PPP6R3: variants seen among roughly 807,000 people sequenced by gnomAD.
The protein encoded by PPP6R3 is protein phosphatase 6 regulatory subunit 3.
A neutral mutation model predicts 110.7 loss-of-function variants in PPP6R3; 38 were observed. The observed-to-expected ratio is 0.34, with a 90% CI of 0.26 to 0.45. The LOEUF is 0.45. Among genes scored for constraint, PPP6R3 ranks in the 20% least tolerant of loss-of-function variants. The pLI, the probability that PPP6R3 is intolerant of heterozygous loss-of-function variation, is 1.00. For missense variants in PPP6R3, 870 were observed against 1,062.4 expected (o/e 0.82, Z 2.52); for synonymous variants, 369 against 373.5 (o/e 0.99, Z 0.14).
At chr11:68,483,024 A>G (rs2098925477) in intron 1 of PPP6R3, among the ~76,000 whole-genome samples, 1 of 152,180 alleles carries the variant, frequency 6.6e-6, no homozygotes, top group African/African-American at 2.4e-5. Flanking sequence ...TTATTATCAC[A>G]AACAATTCAG....
chr11:68,489,910 C>T (rs2098973144), intron 1 of PPP6R3, among the ~76,000 whole-genome samples: 2 of 152,122 alleles, frequency 1.3e-5, no homozygotes, highest in African/African-American at 4.8e-5. Flanking sequence ...CTTCCTGTCT[C>T]ATTGTTGCCA....
At chr11:68,612,810 C>T (rs764145069) in intron 23 of PPP6R3, 19 of 574,836 alleles carry the variant, frequency 3.3e-5, no homozygotes, top group East Asian at 1.2e-4. Context: ...CGCGGTGGGG[C>T]GGTTCTCCCA....
intron 2 of PPP6R3, among the ~76,000 whole-genome samples, chr11:68,530,334 G>C (rs1042365728): frequency 1.3e-5 from 2 of 152,106 alleles, no homozygotes; most frequent in African/African-American, 4.8e-5. Context: ...CTTTGTATAA[G>C]ATTGTGTGAA....
chr11:68,560,036 T>G (rs2099413498), intron 8 of PPP6R3, among the ~76,000 whole-genome samples: 1 of 152,202 alleles, frequency 6.6e-6, no homozygotes, highest in South Asian at 2.1e-4. Flanking sequence ...AGGCCATCAT[T>G]GCATTATGGA....
At chr11:68,493,657 T>TAC (rs1211426881) in intron 1 of PPP6R3, among the ~76,000 whole-genome samples, 9 of 141,500 alleles carry the variant, frequency 6.4e-5, no homozygotes, top group African/African-American at 1.3e-4. Flanking sequence ...TACAAAAAAA[T>TAC]ACACACACAC....
In PPP6R3 at chr11:68,569,912, T is replaced by A; in HGVS notation, c.1278+15T>A. 6.3e-7 allele frequency: 1 copy of A among 1,594,078 alleles called. No individual in the cohort carries two copies. Among genetic ancestry groups the A allele is most frequent in the Non-Finnish European group, 8.6e-7 (1 of 1,165,828 alleles). On this transcript the variant is annotated intron_variant, in intron 11 of 23. Transcript: ENST00000393800. The stretch of plus-strand genomic sequence containing the variant: ...TATTAAAACATGTAAGCTTATTTGG[T>A]CTCGTTTTTCTCCCACTCTCTCCTG...
chr11:68,496,088 G>A (rs1404126302), intron 1 of PPP6R3, among the ~76,000 whole-genome samples: 1 of 151,892 alleles, frequency 6.6e-6, no homozygotes, highest in Non-Finnish European at 1.5e-5. Flanking sequence ...CTCCTGGGCT[G>A]AAGTGATCCT....
At chr11:68,497,287 C>G (rs1328499844) in intron 1 of PPP6R3, among the ~76,000 whole-genome samples, 1 of 151,382 alleles carries the variant, frequency 6.6e-6, no homozygotes, top group Admixed American at 6.6e-5. Flanking sequence ...ATCTCCTGAC[C>G]TCGTGATCCG....
chr11:68,532,692 G>A (rs1026252557), intron 2 of PPP6R3, among the ~76,000 whole-genome samples: 4 of 152,140 alleles, frequency 2.6e-5, no homozygotes, highest in Admixed American at 2.6e-4. Flanking sequence ...TTAGTTTGGG[G>A]GGATTCTTTA....
intron 2 of PPP6R3, among the ~76,000 whole-genome samples, chr11:68,527,849 T>G (rs2099208565): frequency 6.6e-6 from 1 of 152,202 alleles, no homozygotes; most frequent in Admixed American, 6.5e-5. Context: ...CTCACTGCTG[T>G]GACTCCTGAA....
chr11:68,477,468 C>T (rs932687530), intron 1 of PPP6R3, among the ~76,000 whole-genome samples: 2 of 151,824 alleles, frequency 1.3e-5, no homozygotes, highest in African/African-American at 4.8e-5. Context: ...TGCCTGTTAT[C>T]CCGACACTTT....
chr11:68,598,185 T>TTC (rs921822441), intron 19 of PPP6R3, among the ~76,000 whole-genome samples: 7 of 152,164 alleles, frequency 4.6e-5, no homozygotes, highest in Non-Finnish European at 1.0e-4. Context: ...CATACAGTAT[T>TTC]TATCTTTGTG....
intron 1 of PPP6R3, among the ~76,000 whole-genome samples, chr11:68,487,347 GT>G (rs2098954117): frequency 2.1e-3 from 1 of 474 alleles, no homozygotes; most frequent in African/African-American, 0.011. Context: ...GAGCCCAGGA[GT>G]ATGAGGTTGC....
chr11:68,537,904 A>G lies in PPP6R3; in HGVS notation c.227+13A>G. The G allele has an allele frequency of 6.3e-7, 1 of 1,578,732 alleles. No homozygotes were observed. The highest frequency in any genetic ancestry group is 8.7e-7 in the Non-Finnish European group (1 of 1,149,408). ...AGATCAGATACAAGTAAGACAATTCAATCTTCTCTGTAGAGTGGGACTAAA... is the reference window on the plus strand; with the variant it reads ...AGATCAGATACAAGTAAGACAATTCGATCTTCTCTGTAGAGTGGGACTAAA... On this transcript the variant is annotated intron_variant, in intron 3 of 23. Coordinates refer to ENST00000393800, the MANE Select transcript of PPP6R3 (RefSeq NM_001164161.2).
intron 1 of PPP6R3, among the ~76,000 whole-genome samples, chr11:68,503,175 C>G (rs983135191): frequency 1.3e-5 from 2 of 152,080 alleles, no homozygotes; most frequent in African/African-American, 4.8e-5. Flanking sequence ...AACTCCTGAC[C>G]TCGTGATCCG....
At chr11:68,519,252 T>G (rs936298659) in intron 1 of PPP6R3, among the ~76,000 whole-genome samples, 6 of 152,230 alleles carry the variant, frequency 3.9e-5, no homozygotes, top group African/African-American at 1.4e-4. Flanking sequence ...TCATTGATAG[T>G]GCTATTATGA....
chr11:68,504,886 G>A (rs146880980), intron 1 of PPP6R3, among the ~76,000 whole-genome samples: 41 of 152,292 alleles, frequency 2.7e-4, no homozygotes, highest in East Asian at 1.7e-3. Flanking sequence ...AACTAGGCAC[G>A]TGCCAGTAGA....
chr11:68,567,133 C>T lies in PPP6R3; in HGVS notation c.1095C>T (p.Asp365=). Residue 365 remains aspartate, a synonymous_variant, in exon 10 of 24, where the codon GAC becomes GAT. Coordinates refer to ENST00000393800, the MANE Select transcript of PPP6R3 (RefSeq NM_001164161.2). ...LQTNTSSING[D]LMELNSIGVI... is the part of the protein sequence containing the mutation. ...CCAATACCAGCAGTATAAATGGGGA[C>T]CTTATGGAGCTGAATAGCATTGGAG... 2 of 1,550,536 alleles carry T rather than the reference C, an allele frequency of 1.3e-6. No homozygotes were observed. Among genetic ancestry groups the T allele is most frequent in the Non-Finnish European group, 8.7e-7 (1 of 1,146,580 alleles).
rs1299893236 is a variant in PPP6R3 at position 68,550,988 on chromosome 11, A to G, written c.553-133A>G. The G allele has an allele frequency of 1.4e-5, 9 of 625,438 alleles. No homozygotes were observed. In the East Asian group the frequency reaches 2.3e-4, roughly 16 times the overall value. The allele number at this position is 625,438 out of a possible 1,614,324, so 38.7% of individuals were successfully genotyped here. Reference sequence around the variant, plus strand: ...CCTTGGGGGACTTTTAATTTTCTGTAGTGTTCAAAGTCCAGAGAAACCTGT... The same window carrying G: ...CCTTGGGGGACTTTTAATTTTCTGTGGTGTTCAAAGTCCAGAGAAACCTGT... On this transcript the variant is annotated intron_variant, in intron 5 of 23. Transcript: ENST00000393800.
Sources: allele counts gnomAD v4.1 joint callset (sites outside exome capture counted in the v4.1 genomes callset), GRCh38; gene constraint gnomAD v4.1.1; transcripts MANE v1.5; gene names NCBI Gene and HGNC (gene_info 2026-07-23, HGNC 2026-07-21).